S100P: variants seen among roughly 807,000 people sequenced by gnomAD.
S100P encodes S100 calcium binding protein P.
Under a neutral mutation model 4.7 loss-of-function variants are expected in S100P, and 7 were observed. The observed-to-expected ratio is 1.48, with a 90% confidence interval of 0.84 to 2.77. The LOEUF (loss-of-function observed/expected upper bound fraction) is 2.77. Ranked by LOEUF, S100P falls within the 30% of genes most tolerant of loss-of-function variation. The pLI is 0.00. For missense variants in S100P, 122 were observed against 120.6 expected (o/e 1.01, Z -0.06); for synonymous variants, 48 against 49.0 (o/e 0.98, Z 0.08).
At chr4:6,696,542 G>A (rs1714376309) in intron 1 of S100P, among the ~76,000 whole-genome samples, 1 of 152,218 alleles carries the variant, frequency 6.6e-6, no homozygotes. Context: ...AAAAAATAGA[G>A]CAAAGACTGG....
In S100P at chr4:6,696,875, A is replaced by G. The variant is rs2108795464; in HGVS notation, c.139-18A>G. The G allele has an allele frequency of 1.2e-6, 2 of 1,607,326 alleles. No individual in the cohort carries two copies. Among genetic ancestry groups the G allele is most frequent in the Non-Finnish European group, 1.7e-6 (2 of 1,176,040 alleles). On this transcript the variant is annotated intron_variant, in intron 1 of 1. Transcript: ENST00000296370. ...ACAGGCACCCTCACTGCTGACCTTG[A>G]GCCTCTCTCTCCTCTAGAGTGGAAA... is the stretch of plus-strand genomic sequence containing the variant.
At chr4:6,694,666 C>A (rs1016154032) in intron 1 of S100P, among the ~76,000 whole-genome samples, 10 of 152,282 alleles carry the variant, frequency 6.6e-5, no homozygotes, top group Non-Finnish European at 1.5e-4. Flanking sequence ...CACAGAAGGC[C>A]CCTCAGGGCG....
rs574641321 is a variant in S100P, at chr4:6,694,009, A to G, written c.77A>G (p.Gln26Arg). ...TATTCGGGCAGCGAGGGCAGCACGC[A>G]GACCCTGACCAAGGGGGAGCTCAAG... Reference protein sequence around the residue: ...SRYSGSEGSTQTLTKGELKVL... With the variant: ...SRYSGSEGSTRTLTKGELKVL... Residue 26 changes from glutamine to arginine, a missense_variant, in exon 1 of 2, where the codon CAG becomes CGG. Coordinates refer to ENST00000296370, the MANE Select transcript of S100P (RefSeq NM_005980.3). The G allele has an allele frequency of 2.5e-6, 4 of 1,614,102 alleles. No individual in the cohort carries two copies. Among genetic ancestry groups the G allele is most frequent in the Admixed American group, 3.3e-5 (2 of 60,036 alleles).
At chr4:6,694,830 C>A (rs1472715225) in intron 1 of S100P, among the ~76,000 whole-genome samples, 1 of 152,156 alleles carries the variant, frequency 6.6e-6, no homozygotes, top group Non-Finnish European at 1.5e-5. Context: ...CGGGCCCCAC[C>A]AGACTCTGCC....
chr4:6,696,870 C>T, intron 1 of S100P, 23 bp from the exon 2 acceptor site: 1 of 1,605,776 alleles, frequency 6.2e-7, no homozygotes, highest in South Asian at 1.1e-5. Context: ...TCACTGCTGA[C>T]CTTGAGCCTC....
intron 1 of S100P, among the ~76,000 whole-genome samples, chr4:6,695,984 G>A (rs1714364633): frequency 1.3e-5 from 2 of 152,236 alleles, no homozygotes; most frequent in African/African-American, 4.8e-5. Flanking sequence ...TATTGAATTT[G>A]TACTTCCCTG....
intron 1 of S100P, among the ~76,000 whole-genome samples, chr4:6,696,358 C>T (rs992874464): frequency 2.0e-5 from 3 of 152,222 alleles, no homozygotes; most frequent in Admixed American, 6.5e-5. Flanking sequence ...TGGCTTTCCC[C>T]GGCTCCCTGT....
chr4:6,696,950 G>A lies in S100P; in HGVS notation c.196G>A (p.Asp66Asn). ...KLLKDLDANG[D>N]AQVDFSEFIV... ...GCTCAAGGACCTGGACGCCAATGGA[G>A]ATGCCCAGGTGGACTTCAGTGAGTT... is the stretch of plus-strand genomic sequence containing the variant. The change falls in exon 2 of 2, where the codon GAT becomes AAT. Residue 66 changes from aspartate (D) to asparagine (N), a missense_variant. Coordinates refer to ENST00000296370, the MANE Select transcript of S100P (RefSeq NM_005980.3). 1 of 1,614,056 alleles carries A rather than the reference G, an allele frequency of 6.2e-7. No homozygotes were observed. The highest frequency in any genetic ancestry group is 8.5e-7 in the Non-Finnish European group (1 of 1,179,894).
chr4:6,696,797 T>C, intron 1 of S100P, 96 bp from the exon 2 acceptor site: 1 of 1,155,018 alleles, frequency 8.7e-7, no homozygotes, highest in Non-Finnish European at 1.2e-6. Context: ...GACGCAGATG[T>C]GGGTGCCCTG....
At chr4:6,694,667 C>T (rs1248623471) in intron 1 of S100P, among the ~76,000 whole-genome samples, 1 of 152,174 alleles carries the variant, frequency 6.6e-6, no homozygotes, top group Non-Finnish European at 1.5e-5. Context: ...ACAGAAGGCC[C>T]CTCAGGGCGG....
At chr4:6,696,041 C>G (rs2108795125) in intron 1 of S100P, among the ~76,000 whole-genome samples, 1 of 152,348 alleles carries the variant, frequency 6.6e-6, no homozygotes, top group Admixed American at 6.5e-5. Flanking sequence ...GGTCTTCATG[C>G]ACACAGTTGT....
intron 1 of S100P, among the ~76,000 whole-genome samples, chr4:6,694,718 G>A (rs1053719021): frequency 2.0e-5 from 3 of 152,250 alleles, no homozygotes; most frequent in East Asian, 3.9e-4. Context: ...CCTCCGGCTG[G>A]GCTGAACAGA....
chr4:6,694,691 C>A (rs1270226161), intron 1 of S100P, among the ~76,000 whole-genome samples: 1 of 152,216 alleles, frequency 6.6e-6, no homozygotes, highest in Non-Finnish European at 1.5e-5. Context: ...GGACCAGCTT[C>A]CTTCCGCCCG....
chr4:6,696,498 A>G (rs1441398235), intron 1 of S100P, among the ~76,000 whole-genome samples: 2 of 152,224 alleles, frequency 1.3e-5, no homozygotes, highest in African/African-American at 4.8e-5. Context: ...CAGTGCCAGC[A>G]CGAGATGGGA....
intron 1 of S100P, 59 bp downstream of exon 1, chr4:6,694,129 G>A (rs565304564): frequency 1.3e-6 from 2 of 1,515,966 alleles, no homozygotes; most frequent in East Asian, 2.3e-5. Flanking sequence ...GGAAGGCGTG[G>A]CAGGCAGAGG....
At chr4:6,696,361 C>T (rs1272085366) in intron 1 of S100P, among the ~76,000 whole-genome samples, 1 of 152,246 alleles carries the variant, frequency 6.6e-6, no homozygotes, top group Non-Finnish European at 1.5e-5. Flanking sequence ...CTTTCCCCGG[C>T]TCCCTGTGTG....
At position 6,696,940 on chromosome 4, in the gene S100P, C is replaced by T. The variant is rs11734898; in HGVS notation, c.186C>T (p.Asp62=). Residue 62 remains aspartate, a synonymous_variant, in exon 2 of 2, where the codon GAC becomes GAT. Transcript: ENST00000296370. ...DAVDKLLKDL[D]ANGDAQVDFS... Reference sequence around the variant, plus strand: ...TGGATAAATTGCTCAAGGACCTGGACGCCAATGGAGATGCCCAGGTGGACT... The same window carrying T: ...TGGATAAATTGCTCAAGGACCTGGATGCCAATGGAGATGCCCAGGTGGACT... 168 of 1,613,924 alleles carry T rather than the reference C, an allele frequency of 1.0e-4. 1 individual carries two copies. The African/African-American group carries it at 1.5e-3, about 15-fold the overall frequency.
chr4:6,694,018 C>A lies in S100P; in HGVS notation c.86C>A (p.Thr29Asn). The change falls in exon 1 of 2, where the codon ACC (threonine) becomes AAC (asparagine). Residue 29 changes from threonine to asparagine, a missense_variant. Coordinates refer to ENST00000296370, the MANE Select transcript of S100P (RefSeq NM_005980.3). ...SGSEGSTQTLTKGELKVLMEK... is the reference protein window; with the variant it reads ...SGSEGSTQTLNKGELKVLMEK... The stretch of plus-strand genomic sequence containing the variant: ...AGCGAGGGCAGCACGCAGACCCTGA[C>A]CAAGGGGGAGCTCAAGGTGCTGATG... 6.2e-7 allele frequency: 1 copy of A among 1,613,912 alleles called. No individual in the cohort carries two copies.
intron 1 of S100P, among the ~76,000 whole-genome samples, chr4:6,695,574 A>G (rs1227005064): frequency 1.3e-5 from 2 of 152,204 alleles, no homozygotes; most frequent in Admixed American, 6.5e-5. Context: ...TGATCAAAGT[A>G]TGAGAATTGA....
Sources: allele counts gnomAD v4.1 joint callset (sites outside exome capture counted in the v4.1 genomes callset), GRCh38; gene constraint gnomAD v4.1.1; transcripts MANE v1.5; gene names NCBI Gene and HGNC (gene_info 2026-07-23, HGNC 2026-07-21).